Variants in GSAP observed in about 807,000 individuals in gnomAD.
GSAP encodes gamma-secretase-activating protein.
In GSAP, 118 loss-of-function variants were observed where a neutral mutation model predicts 131.7. The ratio of observed to expected loss-of-function variants is 0.90; its 90% CI spans 0.77 to 1.04. GSAP has a LOEUF of 1.04. Among genes scored for constraint, GSAP ranks in the 50% least tolerant of loss-of-function variants. GSAP has a pLI of 0.00. For missense variants in GSAP, 1,019 were observed against 1,013.2 expected (o/e 1.01, Z -0.08); for synonymous variants, 381 against 363.4 (o/e 1.05, Z -0.55).
At chr7:77,391,854 T>C (rs1304821766) in intron 5 of GSAP, among the ~76,000 whole-genome samples, 5 of 151,832 alleles carry the variant, frequency 3.3e-5, no homozygotes, top group Non-Finnish European at 7.4e-5. Flanking sequence ...CAGAATAAAA[T>C]GAAAGACCAA....
chr7:77,416,223 G>T lies in GSAP; in HGVS notation c.99C>A (p.Ser33Arg). The change falls in exon 1 of 31, where the codon AGC becomes AGA. Residue 33 changes from serine to arginine, a missense_variant. By Grantham distance (110) the Ser-to-Arg change is moderately radical. Coordinates refer to ENST00000257626, the MANE Select transcript of GSAP (RefSeq NM_017439.4). ...GCGCGCCTCCCGCACCTGCGCCGCC[G>T]CTTCCGGCCCCGCTGGCCTCCGACA... ...RAVSEASGAG[S>R]GGADVLENDY... 2 of 1,215,890 alleles carry T rather than the reference G, an allele frequency of 1.6e-6. No individual in the cohort carries two copies. Among genetic ancestry groups the T allele is most frequent in the Non-Finnish European group, 1.1e-6 (1 of 925,950 alleles). The allele number at this position is 1,215,890 out of a possible 1,614,324, so 75.3% of individuals were successfully genotyped here.
At chr7:77,345,152 T>G (rs901608679) in intron 19 of GSAP, among the ~76,000 whole-genome samples, 14 of 152,302 alleles carry the variant, frequency 9.2e-5, no homozygotes, top group Non-Finnish European at 5.9e-5. Flanking sequence ...TCTCATTCTC[T>G]TATTCAAACC....
intron 26 of GSAP, among the ~76,000 whole-genome samples, chr7:77,316,514 C>A (rs1186968517): frequency 6.6e-6 from 1 of 152,178 alleles, no homozygotes; most frequent in Non-Finnish European, 1.5e-5. Context: ...TCCAAAAAAA[C>A]TCCACTATTT....
At chr7:77,322,765 T>C (rs1366567704) in intron 24 of GSAP, among the ~76,000 whole-genome samples, 1 of 152,120 alleles carries the variant, frequency 6.6e-6, no homozygotes, top group South Asian at 2.1e-4. Flanking sequence ...TTAAATACTA[T>C]GAAACTCAAA....
intron 14 of GSAP, among the ~76,000 whole-genome samples, chr7:77,356,199 T>C (rs893331500): frequency 3.9e-5 from 6 of 152,218 alleles, no homozygotes; most frequent in Admixed American, 3.9e-4. Flanking sequence ...TAAACCTCAT[T>C]TATTTCCATC....
chr7:77,326,341 ATC>A, intron 22 of GSAP, 68 bp from the exon 23 acceptor site: 5 of 1,081,422 alleles, frequency 4.6e-6, no homozygotes, highest in African/African-American at 1.6e-5. Flanking sequence ...AGGAAGAAGA[ATC>A]AGCCTGGGTT....
At chr7:77,350,572 T>TAAAAAAA (rs368824065) in intron 18 of GSAP, among the ~76,000 whole-genome samples, 2 of 121,274 alleles carry the variant, frequency 1.6e-5, no homozygotes, top group African/African-American at 6.0e-5. Context: ...CCCGCTCTAC[T>TAAAAAAA]AAAAAAAAAA....
intron 8 of GSAP, among the ~76,000 whole-genome samples, chr7:77,379,444 G>A (rs1002775909): frequency 6.6e-6 from 1 of 151,802 alleles, no homozygotes; most frequent in African/African-American, 2.4e-5. Flanking sequence ...TAAGAATGAA[G>A]GCAGAAGTAC....
Position 77,390,946 on chromosome 7 carries a change from T to TTAAAAAAA in GSAP, c.368-3499_368-3498insTTTTTTTA, listed in dbSNP as rs71531149. Among the ~76,000 whole-genome samples, 27 of 37,946 alleles carry TTAAAAAAA rather than the reference T, an allele frequency of 7.1e-4. 2 individuals carry two copies. Among genetic ancestry groups the TTAAAAAAA allele is most frequent in the African/African-American group, 2.3e-3 (24 of 10,296 alleles). 24.9% of individuals were successfully genotyped at this position (37,946 alleles called of 152,430 possible). On this transcript the variant is annotated intron_variant, in intron 5 of 30. Transcript: ENST00000257626. Reference sequence around the variant, plus strand: ...CCTGGTGACAGAGCGAGACTCCGTCTAAAAAAAAAAAAAAAAAAAAAAAAA... The same window carrying TTAAAAAAA: ...CCTGGTGACAGAGCGAGACTCCGTCTTAAAAAAAAAAAAAAAAAAAAAAAAAAAAAAAA...
At chr7:77,397,739 T>C (rs1800659706) in intron 3 of GSAP, among the ~76,000 whole-genome samples, 1 of 152,226 alleles carries the variant, frequency 6.6e-6, no homozygotes. Flanking sequence ...GGATAAATTA[T>C]TCAGCTTCTC....
At chr7:77,410,707 CA>C (rs1803110441) in intron 1 of GSAP, among the ~76,000 whole-genome samples, 1 of 152,180 alleles carries the variant, frequency 6.6e-6, no homozygotes, top group African/African-American at 2.4e-5. Flanking sequence ...TTTCACTTTA[CA>C]GGAATAGGGG....
chr7:77,407,727 A>C (rs534338329), intron 1 of GSAP, among the ~76,000 whole-genome samples: 6 of 152,334 alleles, frequency 3.9e-5, no homozygotes, highest in African/African-American at 1.4e-4. Context: ...ATATCTAGTG[A>C]AGCTGAACAC....
intron 6 of GSAP, among the ~76,000 whole-genome samples, chr7:77,386,100 C>G (rs1563087890): frequency 6.6e-6 from 1 of 152,078 alleles, no homozygotes; most frequent in Non-Finnish European, 1.5e-5. Flanking sequence ...AAGACACAAT[C>G]CCAAATGCCA....
chr7:77,351,617 T>C lies in GSAP; in HGVS notation c.1491+1327A>G, dbSNP rs192081815. The C allele has an allele frequency of 1.1e-5, 11 of 985,754 alleles. No homozygotes were observed. In the African/African-American group the frequency reaches 1.7e-4, roughly 16 times the overall value. 61.1% of individuals were successfully genotyped at this position (985,754 alleles called of 1,614,324 possible). On this transcript the variant is annotated intron_variant, in intron 18 of 30. Coordinates refer to ENST00000257626, the MANE Select transcript of GSAP (RefSeq NM_017439.4). ...CAGGGAGGTTATAACCACAGGTTTC[T>C]TTATATCGCTCTTCTTGGACTTCCT...
Position 77,416,260 on chromosome 7 carries a change from G to T in GSAP, c.62C>A (p.Ala21Glu). 2 of 1,493,106 alleles carry T rather than the reference G, an allele frequency of 1.3e-6. No homozygotes were observed. The highest frequency in any genetic ancestry group is 1.8e-6 in the Non-Finnish European group (2 of 1,123,356). 92.5% of individuals were successfully genotyped at this position (1,493,106 alleles called of 1,614,324 possible). A position where few individuals can be genotyped will look rare whatever the true frequency, so the allele number is the denominator to read the frequency against. ...LGKDVLPWLR[A>E]QRAVSEASGA... ...GCTGGCCTCCGACACTGCCCGCTGCGCCCGCAACCACGGGAGCACGTCCTT... is the reference window on the plus strand; with the variant it reads ...GCTGGCCTCCGACACTGCCCGCTGCTCCCGCAACCACGGGAGCACGTCCTT... The change falls in exon 1 of 31, where the codon GCG (alanine) becomes GAG (glutamate). Residue 21 changes from alanine to glutamate, a missense_variant. By Grantham distance (107) the Ala-to-Glu change is moderately radical (BLOSUM62 -1). Coordinates refer to ENST00000257626, the MANE Select transcript of GSAP (RefSeq NM_017439.4).
intron 19 of GSAP, among the ~76,000 whole-genome samples, chr7:77,341,903 A>G (rs1297218573): frequency 6.6e-6 from 1 of 152,058 alleles, no homozygotes; most frequent in African/African-American, 2.4e-5. Context: ...GCACACAAGA[A>G]CTTCAAAATG....
chr7:77,323,316 T>A (rs935049886), intron 24 of GSAP, among the ~76,000 whole-genome samples: 1 of 152,190 alleles, frequency 6.6e-6, no homozygotes. Flanking sequence ...TAAACCTCCA[T>A]GTACAGAAAT....
At chr7:77,354,747 G>C (rs1793403790) in intron 16 of GSAP, among the ~76,000 whole-genome samples, 1 of 147,858 alleles carries the variant, frequency 6.8e-6, no homozygotes, top group South Asian at 2.1e-4. Flanking sequence ...AGATTTTTCT[G>C]ACTTCACAGG....
chr7:77,341,815 G>C (rs1348381255), intron 19 of GSAP, among the ~76,000 whole-genome samples: 1 of 152,176 alleles, frequency 6.6e-6, no homozygotes, highest in Non-Finnish European at 1.5e-5. Context: ...TAATAGAGTA[G>C]AGGCAGCCAA....
Sources: allele counts gnomAD v4.1 joint callset (sites outside exome capture counted in the v4.1 genomes callset), GRCh38; gene constraint gnomAD v4.1.1; transcripts MANE v1.5; gene names NCBI Gene and HGNC (gene_info 2026-07-23, HGNC 2026-07-21).